IGF2: variants seen among roughly 807,000 people sequenced by gnomAD.
The protein encoded by IGF2 is insulin like growth factor 2.
Under a neutral mutation model 12.0 loss-of-function variants are expected in IGF2, and 2 were observed. The ratio of observed to expected loss-of-function variants is 0.17; its 90% CI spans 0.07 to 0.52. The LOEUF (loss-of-function observed/expected upper bound fraction) is 0.52, where lower values mean the gene tolerates loss of function less well. Among genes scored for constraint, IGF2 ranks in the 20% least tolerant of loss-of-function variants. IGF2 has a pLI of 0.95. For synonymous variants in IGF2, 105 were observed against 110.1 expected, an observed-to-expected ratio of 0.95 and a Z score of 0.29; for missense variants, 211 against 268.0, an observed-to-expected ratio of 0.79 and a Z score of 1.48.
Position 2,138,222 on chromosome 11 carries a change from C to G in IGF2, c.-7+7G>C. The G allele has an allele frequency of 3.0e-6, 3 of 984,982 alleles. No homozygotes were observed. The highest frequency in any genetic ancestry group is 3.6e-6 in the Non-Finnish European group (3 of 829,760). 61.0% of individuals were successfully genotyped at this position (984,982 alleles called of 1,614,324 possible). A position where few individuals can be genotyped will look rare whatever the true frequency, so the allele number is the denominator to read the frequency against. The stretch of plus-strand genomic sequence containing the variant: ...CGGCCCCGGCCCGGCCCGCACACGC[C>G]GCTTACCTGGAAGCCGGCGACGCTG... On this transcript the variant is annotated splice_region_variant and intron_variant, in intron 1 of 3. Coordinates refer to ENST00000416167, the MANE Select transcript of IGF2 (RefSeq NM_000612.6).
Position 2,132,871 on chromosome 11 carries a change from G to T in IGF2, c.*116C>A. 1 of 736,460 alleles carries T rather than the reference G, an allele frequency of 1.4e-6. No homozygotes were observed. Among genetic ancestry groups the T allele is most frequent in the Non-Finnish European group, 2.3e-6 (1 of 443,418 alleles). The allele number at this position is 736,460 out of a possible 1,614,324, so 45.6% of individuals were successfully genotyped here. On this transcript the variant is annotated 3_prime_UTR_variant, in exon 4 of 4. Coordinates refer to ENST00000416167, the MANE Select transcript of IGF2 (RefSeq NM_000612.6). The stretch of plus-strand genomic sequence containing the variant: ...GGGCACGGGGACTGGGTCAGGAGAA[G>T]CCCCAGGGGGACGTGGAACCGAGAG...
upstream of IGF2, among the ~76,000 whole-genome samples, chr11:2,139,652 C>T (rs1182908649): frequency 6.7e-6 from 1 of 150,220 alleles, no homozygotes; most frequent in African/African-American, 2.5e-5. Context: ...AGCCGCAGAG[C>T]GCCAAGGCCA....
chr11:2,138,099 C>A (rs925627275), intron 1 of IGF2, 130 bp downstream of exon 1: 77 of 441,518 alleles, frequency 1.7e-4, no homozygotes, highest in Non-Finnish European at 2.1e-4. Context: ...CCTCCTCCCC[C>A]CCGGGCTCAG....
rs902494843 is a variant in IGF2, at chr11:2,138,609, G to T, written c.-387C>A. 6.0e-5 allele frequency: 59 copies of T among 978,986 alleles called. 2 individuals are homozygous for T. The highest frequency in any genetic ancestry group is 1.6e-5 in the Non-Finnish European group (13 of 825,344). 60.6% of individuals were successfully genotyped at this position (978,986 alleles called of 1,614,324 possible). A position where few individuals can be genotyped will look rare whatever the true frequency, so the allele number is the denominator to read the frequency against. ...AGGGGGAGAGAGGACAGCGAGAGGC[G>T]GGCAGGCGCACAGCGGGAGAGAACA... On this transcript the variant is annotated 5_prime_UTR_variant, in exon 1 of 4. Transcript: ENST00000416167.
At chr11:2,147,859 C>T in the IGF2 span, 6 of 1,197,040 alleles carry the variant, frequency 5.0e-6, no homozygotes, top group Non-Finnish European at 6.3e-6. This position sits in a 1 kb window ranked among gnomAD's most constrained non-coding sequence, Gnocchi z 7.2. Context: ...AAAAGCAAAG[C>T]CCCCCTCCCC....
rs199644459 is a variant in IGF2, at chr11:2,132,657, T to TGG, written c.*328_*329dup. ...CCAATTAGTTTTAAGAGGGTTGTTG[T>TGG]GGGGGGGGGGGAAGGGGGTTAGTTT... On this transcript the variant is annotated 3_prime_UTR_variant, in exon 4 of 4. Transcript: ENST00000416167. 1.6e-4 allele frequency: 19 copies of TGG among 116,802 alleles called. No individual in the cohort carries two copies. Among genetic ancestry groups the TGG allele is most frequent in the African/African-American group, 4.4e-4 (9 of 20,602 alleles). The allele number at this position is 116,802 out of a possible 1,614,324, so 7.2% of individuals were successfully genotyped here.
At chr11:2,140,646 G>A (rs1590131710), upstream of IGF2, 1 of 497,550 alleles carries the variant, frequency 2.0e-6, no homozygotes, top group Non-Finnish European at 3.9e-6. Flanking sequence ...TCTTTGCAAT[G>A]AGCAAACGAA....
the IGF2 span, chr11:2,148,290 T>C: frequency 6.5e-6 from 1 of 154,968 alleles, no homozygotes; most frequent in Non-Finnish European, 1.4e-5. This position sits in a 1 kb window ranked among gnomAD's most constrained non-coding sequence, Gnocchi z 4.3. Context: ...AGGGACGGCG[T>C]GGCTGTGCTT....
Position 2,139,198 on chromosome 11 carries a change from G to A in IGF2, c.-976C>T, listed in dbSNP as rs1859350082. The A allele has an allele frequency of 6.6e-6, 1 of 151,512 alleles. No homozygotes were observed. Among genetic ancestry groups the A allele is most frequent in the Admixed American group, 6.6e-5 (1 of 15,242 alleles). The allele number at this position is 151,512 out of a possible 1,614,324, so 9.4% of individuals were successfully genotyped here. A position where few individuals can be genotyped will look rare whatever the true frequency, so the allele number is the denominator to read the frequency against. Reference sequence around the variant, plus strand: ...GCGGGGAATCCGCAGGCCCGGCGGAGCGCGACCCCGCGGACGGCGCCCGGG... The same window carrying A: ...GCGGGGAATCCGCAGGCCCGGCGGAACGCGACCCCGCGGACGGCGCCCGGG... On this transcript the variant is annotated 5_prime_UTR_variant, in exon 1 of 4. Transcript: ENST00000416167.
rs1279043161 is a variant in IGF2 at position 2,138,521 on chromosome 11, AG to A, written c.-300del. 2.8e-5 allele frequency: 20 copies of A among 726,264 alleles called. No homozygotes were observed. Among genetic ancestry groups the A allele is most frequent in the Admixed American group, 1.4e-4 (1 of 7,172 alleles). The allele number at this position is 726,264 out of a possible 1,614,324, so 45.0% of individuals were successfully genotyped here. A position where few individuals can be genotyped will look rare whatever the true frequency, so the allele number is the denominator to read the frequency against. ...AGGTCAGCTGTTGTATCAAGGATAGAGGGGGGCAGAGATAGTGGGAGAGACA... is the reference window on the plus strand; with the variant it reads ...AGGTCAGCTGTTGTATCAAGGATAGAGGGGGCAGAGATAGTGGGAGAGACA... On this transcript the variant is annotated 5_prime_UTR_variant, in exon 1 of 4. Transcript: ENST00000416167.
In IGF2 at chr11:2,132,907, T is replaced by C; in HGVS notation, c.*80A>G. ...ACGTGGAACCGAGAGATTTTCGGGATGGAACCTGATGGAAACGTCCGTGGT... is the reference window on the plus strand; with the variant it reads ...ACGTGGAACCGAGAGATTTTCGGGACGGAACCTGATGGAAACGTCCGTGGT... On this transcript the variant is annotated 3_prime_UTR_variant, in exon 4 of 4. Coordinates refer to ENST00000416167, the MANE Select transcript of IGF2 (RefSeq NM_000612.6). The C allele has an allele frequency of 1.0e-6, 1 of 988,264 alleles. No individual in the cohort carries two copies. Among genetic ancestry groups the C allele is most frequent in the Non-Finnish European group, 1.5e-6 (1 of 671,878 alleles). 61.2% of individuals were successfully genotyped at this position (988,264 alleles called of 1,614,324 possible).
chr11:2,148,922 C>G, the IGF2 span: 1 of 599,876 alleles, frequency 1.7e-6, no homozygotes, highest in Non-Finnish European at 3.0e-6. This position sits in a 1 kb window ranked among gnomAD's most constrained non-coding sequence, Gnocchi z 4.3. Flanking sequence ...GGAGAACCCT[C>G]TCCACAATGG....
At chr11:2,139,540 C>T (rs1233126026), upstream of IGF2, among the ~76,000 whole-genome samples, 2 of 43,552 alleles carry the variant, frequency 4.6e-5, no homozygotes, top group Non-Finnish European at 8.9e-5. Flanking sequence ...GAGCCAAGAG[C>T]GGGGCGGGGG....
upstream of IGF2, chr11:2,140,680 C>A (rs778544988): frequency 2.3e-5 from 11 of 471,222 alleles, no homozygotes; most frequent in Non-Finnish European, 4.1e-5. Context: ...TCGGGGCGCC[C>A]AGCAGGAGCG....
In IGF2 at chr11:2,135,506, C is replaced by T; in HGVS notation, c.18G>A (p.Gly6=). 1 of 1,613,498 alleles carries T rather than the reference C, an allele frequency of 6.2e-7. No individual in the cohort carries two copies. Among genetic ancestry groups the T allele is most frequent in the South Asian group, 1.1e-5 (1 of 91,030 alleles). The change falls in exon 2 of 4, where the codon GGG becomes GGA. Residue 6 remains glycine (G), a synonymous_variant. Coordinates refer to ENST00000416167, the MANE Select transcript of IGF2 (RefSeq NM_000612.6). The part of the protein sequence containing the change: MGIPM[G]KSMLVLLTFL... The stretch of plus-strand genomic sequence containing the variant: ...AGGTGAGAAGCACCAGCATCGACTT[C>T]CCCATTGGGATTCCCATTGGTGTCT...
the IGF2 span, chr11:2,146,500 A>G: frequency 2.2e-6 from 1 of 457,544 alleles, no homozygotes; most frequent in Non-Finnish European, 4.5e-6. Context: ...GACCACCCCA[A>G]GGCTGCTCAA....
At chr11:2,147,680 T>A in the IGF2 span, 2 of 1,250,654 alleles carry the variant, frequency 1.6e-6, no homozygotes, top group Non-Finnish European at 2.0e-6. The surrounding 1 kb of genome is among the most constrained non-coding windows in gnomAD (Gnocchi z 7.2). Context: ...CTGGGCTCTC[T>A]GGCCTGCTGG....
upstream of IGF2, among the ~76,000 whole-genome samples, chr11:2,143,360 T>TG (rs1350701323): frequency 4.7e-3 from 165 of 34,828 alleles, no homozygotes; most frequent in Admixed American, 0.036. Context: ...GGGGGTGGGG[T>TG]GGGGGGGCGC....
chr11:2,134,203 C>G (rs1858825534), intron 2 of IGF2: 1 of 472,046 alleles, frequency 2.1e-6, no homozygotes, highest in Admixed American at 2.5e-5. Context: ...CTCCCGTCTT[C>G]CCCCTCTCCC....
Sources: allele counts gnomAD v4.1 joint callset (sites outside exome capture counted in the v4.1 genomes callset), GRCh38; gene constraint gnomAD v4.1.1; non-coding constraint Gnocchi (gnomAD v3.1); transcripts MANE v1.5; gene names NCBI Gene and HGNC (gene_info 2026-07-23, HGNC 2026-07-21).